The following OPCML variants were observed in gnomAD, a reference collection of about 807,000 sequenced individuals.
The protein encoded by OPCML is opioid-binding protein/cell adhesion molecule.
In OPCML, 13 loss-of-function variants were observed where a neutral mutation model predicts 37.8. The ratio of observed to expected loss-of-function variants is 0.34; its 90% CI spans 0.22 to 0.55. The LOEUF (loss-of-function observed/expected upper bound fraction) is 0.55. Among genes scored for constraint, OPCML ranks in the 20% least tolerant of loss-of-function variants. OPCML has a pLI of 0.91. For synonymous variants in OPCML, 176 were observed against 168.8 expected (o/e 1.04, Z -0.33); for missense variants, 341 against 435.6 (o/e 0.78, Z 1.93).
Position 133,276,212 on chromosome 11 carries a change from TTTC to T in OPCML, c.61+256049_61+256051del, listed in dbSNP as rs1383981243. Among the ~76,000 whole-genome samples, 17 of 152,342 alleles carry T rather than the reference TTTC, an allele frequency of 1.1e-4. 2 individuals are homozygous for T. The highest frequency in any genetic ancestry group is 4.1e-4 in the African/African-American group (17 of 41,564). On this transcript the variant is annotated intron_variant, in intron 1 of 7. Transcript: ENST00000524381. ...TAGAATCGCTGGGTTTCTTTGTTTC[TTTC>T]TTCTTTATAAAGAAAAATTTAGACC...
chr11:133,129,772 A>G (rs1264762533), intron 1 of OPCML, among the ~76,000 whole-genome samples: 1 of 152,124 alleles, frequency 6.6e-6, no homozygotes, highest in Non-Finnish European at 1.5e-5. Flanking sequence ...TGTGTGTGTC[A>G]TGGCACATGC....
At chr11:133,113,166 C>T (rs1379235547) in intron 1 of OPCML, among the ~76,000 whole-genome samples, 1 of 152,138 alleles carries the variant, frequency 6.6e-6, no homozygotes, top group Non-Finnish European at 1.5e-5. Flanking sequence ...TTGCCTTTCC[C>T]CAGAGCTAAA....
At chr11:133,265,249 G>C (rs995165869) in intron 1 of OPCML, among the ~76,000 whole-genome samples, 1 of 152,166 alleles carries the variant, frequency 6.6e-6, no homozygotes, top group Admixed American at 6.5e-5. Context: ...AGGAAGAAGT[G>C]GGGTGGGATG....
chr11:133,082,676 C>G (rs1948751247), intron 1 of OPCML, among the ~76,000 whole-genome samples: 1 of 124,426 alleles, frequency 8.0e-6, no homozygotes, highest in Non-Finnish European at 1.7e-5. Flanking sequence ...CACGGCACGG[C>G]CCTGTCAGCT....
chr11:132,970,454 A>G (rs1856099457), intron 1 of OPCML, among the ~76,000 whole-genome samples: 1 of 152,194 alleles, frequency 6.6e-6, no homozygotes, highest in African/African-American at 2.4e-5. Context: ...ACAGTTTTTG[A>G]GAACTCCAGA....
intron 1 of OPCML, among the ~76,000 whole-genome samples, chr11:132,949,793 T>C (rs1945819767): frequency 6.6e-6 from 1 of 152,228 alleles, no homozygotes; most frequent in African/African-American, 2.4e-5. Flanking sequence ...CTTTATTACA[T>C]GCTTTTCTGC....
At chr11:133,522,094 G>A (rs1182038011) in intron 1 of OPCML, among the ~76,000 whole-genome samples, 2 of 152,094 alleles carry the variant, frequency 1.3e-5, no homozygotes, top group African/African-American at 2.4e-5. Flanking sequence ...AAGACCTAGT[G>A]CATTTGGCTC....
intron 1 of OPCML, among the ~76,000 whole-genome samples, chr11:133,107,253 A>G (rs1458704396): frequency 1.3e-5 from 2 of 152,164 alleles, no homozygotes; most frequent in Non-Finnish European, 2.9e-5. Context: ...TGGAACTTAT[A>G]AGGACTGAAG....
At chr11:133,377,302 A>G (rs913206693) in intron 1 of OPCML, among the ~76,000 whole-genome samples, 10 of 152,112 alleles carry the variant, frequency 6.6e-5, no homozygotes, top group African/African-American at 2.4e-4. Context: ...ACCTGGGCTG[A>G]TGGTTGTCTC....
chr11:132,711,679 G>A (rs920548673), intron 2 of OPCML, among the ~76,000 whole-genome samples: 2 of 152,120 alleles, frequency 1.3e-5, no homozygotes, highest in Non-Finnish European at 2.9e-5. Flanking sequence ...ATATGTGTGT[G>A]TATGATATTT....
Position 133,371,134 on chromosome 11 carries a change from T to C in OPCML, c.61+161130A>G, listed in dbSNP as rs182431489. Among the ~76,000 whole-genome samples, 469 of 152,292 alleles carry C rather than the reference T, an allele frequency of 3.1e-3. 2 individuals carry two copies. Among genetic ancestry groups the C allele is most frequent in the African/African-American group, 9.9e-3 (412 of 41,556 alleles). Reference sequence around the variant, plus strand: ...CAATAAGATATTACCATTAGAATGGTTGTTGCTGAAAAAGACAAAAAATAA... The same window carrying C: ...CAATAAGATATTACCATTAGAATGGCTGTTGCTGAAAAAGACAAAAAATAA... On this transcript the variant is annotated intron_variant, in intron 1 of 7. Transcript: ENST00000524381.
intron 1 of OPCML, among the ~76,000 whole-genome samples, chr11:133,370,484 G>GA (rs202101542): frequency 0.26 from 22,426 of 85,798 alleles, 1,809 homozygotes; most frequent in Middle Eastern, 0.34. Context: ...AGCTCAAACA[G>GA]AAAAAAAAAA....
intron 2 of OPCML, among the ~76,000 whole-genome samples, chr11:132,938,341 G>A (rs960015341): frequency 3.3e-5 from 5 of 151,996 alleles, no homozygotes; most frequent in African/African-American, 1.2e-4. Flanking sequence ...AAGAGTTACT[G>A]GAACTCTCAT....
intron 1 of OPCML, among the ~76,000 whole-genome samples, chr11:133,428,621 TAAAC>T (rs1474830182): frequency 6.6e-6 from 1 of 152,148 alleles, no homozygotes; most frequent in Non-Finnish European, 1.5e-5. Flanking sequence ...AGGATTAACT[TAAAC>T]AAGACACATG....
At chr11:132,902,138 G>A (rs1005632326) in intron 2 of OPCML, among the ~76,000 whole-genome samples, 1 of 152,190 alleles carries the variant, frequency 6.6e-6, no homozygotes, top group Non-Finnish European at 1.5e-5. Flanking sequence ...AATAAATCAA[G>A]CTCGGGGTCC....
At chr11:133,477,223 C>G (rs1187847911) in intron 1 of OPCML, among the ~76,000 whole-genome samples, 1 of 152,222 alleles carries the variant, frequency 6.6e-6, no homozygotes, top group Admixed American at 6.5e-5. Flanking sequence ...GTAGCCATCG[C>G]TCTTTGCCTT....
intron 1 of OPCML, chr11:133,298,722 C>T (rs1490279428): frequency 1.3e-5 from 2 of 152,186 alleles, no homozygotes. Context: ...CAACAACGTA[C>T]TAGACACTTT....
intron 3 of OPCML, among the ~76,000 whole-genome samples, chr11:132,615,156 G>A (rs1938922790): frequency 1.3e-5 from 2 of 152,196 alleles, no homozygotes; most frequent in Admixed American, 1.3e-4. Flanking sequence ...GAGCAGAGGA[G>A]ATAGCTCAAA....
intron 2 of OPCML, among the ~76,000 whole-genome samples, chr11:132,898,003 T>A (rs1943911710): frequency 6.6e-6 from 1 of 152,308 alleles, no homozygotes; most frequent in African/African-American, 2.4e-5. Context: ...CCAGTCAATC[T>A]CTTTTCCCAG....
Sources: gnomAD v4.1 joint callset for allele counts (sites outside exome capture counted in the v4.1 genomes callset) on GRCh38, gnomAD v4.1.1 for gene constraint, MANE v1.5 for transcripts, NCBI Gene and HGNC (gene_info 2026-07-23, HGNC 2026-07-21) for gene names.